Variants in WDR27 observed in about 807,000 individuals in gnomAD.
The protein encoded by WDR27 is WD repeat domain 27.
A neutral mutation model predicts 114.4 loss-of-function variants in WDR27; 100 were observed. The observed-to-expected ratio is 0.87, with a 90% confidence interval of 0.74 to 1.03. The LOEUF is 1.03. WDR27 is among the 50% of genes least tolerant of loss of function. WDR27 has a pLI of 0.00. For missense variants in WDR27, 1,129 were observed against 1,092.9 expected (o/e 1.03, Z -0.47); for synonymous variants, 449 against 423.1 (o/e 1.06, Z -0.75).
intron 25 of WDR27, among the ~76,000 whole-genome samples, chr6:169,565,991 A>G: frequency 6.6e-6 from 1 of 152,218 alleles, no homozygotes; most frequent in East Asian, 1.9e-4. Flanking sequence ...TTTGACTTTT[A>G]TGATCAATGT....
chr6:169,692,188 G>T (rs1478217729), intron 1 of WDR27, among the ~76,000 whole-genome samples: 1 of 152,240 alleles, frequency 6.6e-6, no homozygotes, highest in East Asian at 1.9e-4. Flanking sequence ...AAGCAGCAGT[G>T]AGAAGAGCCT....
At chr6:169,498,577 G>T (rs992652531) in intron 25 of WDR27, among the ~76,000 whole-genome samples, 4 of 152,088 alleles carry the variant, frequency 2.6e-5, no homozygotes, top group African/African-American at 9.7e-5. Flanking sequence ...CCAAAAGGAG[G>T]TTGCATAAAC....
chr6:169,514,596 T>C (rs1262273325), intron 25 of WDR27, among the ~76,000 whole-genome samples: 1 of 148,000 alleles, frequency 6.8e-6, no homozygotes, highest in African/African-American at 2.5e-5. Flanking sequence ...AGGTCAATAA[T>C]AAACATTAAT....
chr6:169,519,488 A>G (rs892332024), intron 25 of WDR27, among the ~76,000 whole-genome samples: 5 of 152,180 alleles, frequency 3.3e-5, no homozygotes, highest in Non-Finnish European at 7.3e-5. Context: ...GAGCTGGCAC[A>G]TTATGTGGCA....
At chr6:169,480,725 C>T (rs1418803503) in intron 25 of WDR27, among the ~76,000 whole-genome samples, 1 of 152,084 alleles carries the variant, frequency 6.6e-6, no homozygotes. Context: ...ACACACCAAT[C>T]AGTGCTCTGT....
chr6:169,664,731 C>G, intron 7 of WDR27: 1 of 998,270 alleles, frequency 1.0e-6, no homozygotes, highest in Non-Finnish European at 1.2e-6. Context: ...AAAACAGCAA[C>G]TTTATCCAGG....
intron 19 of WDR27, 37 bp downstream of exon 19, chr6:169,636,334 T>A (rs1817651010): frequency 1.3e-6 from 2 of 1,598,852 alleles, no homozygotes; most frequent in Non-Finnish European, 1.7e-6. Flanking sequence ...CAGCTTCCTG[T>A]GATCTAAAAA....
chr6:169,578,226 C>T (rs1478509001), intron 24 of WDR27, among the ~76,000 whole-genome samples: 2 of 152,162 alleles, frequency 1.3e-5, no homozygotes, highest in African/African-American at 4.8e-5. Context: ...GGCGCCCACA[C>T]GGTGCGTTAG....
At chr6:169,690,986 C>T (rs576075858) in intron 1 of WDR27, among the ~76,000 whole-genome samples, 236 of 152,258 alleles carry the variant, frequency 1.5e-3, no homozygotes, top group African/African-American at 5.4e-3. Context: ...GAGGCCGAGG[C>T]GGGCGGATCA....
At chr6:169,563,013 G>A (rs987415994) in intron 25 of WDR27, among the ~76,000 whole-genome samples, 3 of 152,174 alleles carry the variant, frequency 2.0e-5, no homozygotes, top group African/African-American at 7.2e-5. Context: ...GTCTAAAGGA[G>A]ACACGCTGGG....
At chr6:169,451,197 T>A in the WDR27 span, among the ~76,000 whole-genome samples, 2 of 152,192 alleles carry the variant, frequency 1.3e-5, no homozygotes. Flanking sequence ...ACTATTCCAG[T>A]AAATTGTGCA....
intron 25 of WDR27, among the ~76,000 whole-genome samples, chr6:169,520,704 G>A (rs116076589): frequency 6.6e-6 from 1 of 151,934 alleles, no homozygotes; most frequent in African/African-American, 2.4e-5. Flanking sequence ...AGCGATTAAA[G>A]AGAAAATCTT....
intron 13 of WDR27, among the ~76,000 whole-genome samples, chr6:169,656,884 G>A (rs1267694750): frequency 1.3e-5 from 2 of 152,228 alleles, no homozygotes; most frequent in Non-Finnish European, 2.9e-5. Context: ...TTAATGAGGA[G>A]GAAGGAGGTC....
chr6:169,531,958 T>C (rs1297570404), intron 25 of WDR27, among the ~76,000 whole-genome samples: 1 of 152,218 alleles, frequency 6.6e-6, no homozygotes, highest in Non-Finnish European at 1.5e-5. Flanking sequence ...TGTTAATTAC[T>C]ACTCTTTACA....
chr6:169,468,588 G>A (rs1785920584), intron 25 of WDR27, among the ~76,000 whole-genome samples: 1 of 152,316 alleles, frequency 6.6e-6, no homozygotes, highest in South Asian at 2.1e-4. Context: ...ATGACACATG[G>A]GGATTGTGGG....
At chr6:169,696,271 G>A (rs1433018170) in intron 1 of WDR27, among the ~76,000 whole-genome samples, 1 of 152,198 alleles carries the variant, frequency 6.6e-6, no homozygotes, top group African/African-American at 2.4e-5. Context: ...AGAGTCCAGG[G>A]TGACCCAAGG....
rs77814153 is a variant in WDR27, at chr6:169,465,562, G to T, written c.2646-7928C>A. Among the ~76,000 whole-genome samples, 10 of 152,188 alleles carry T rather than the reference G, an allele frequency of 6.6e-5. No homozygotes were observed. The East Asian group carries it at 1.9e-3, about 29-fold the overall frequency. ...CTCTGGGTATATATGCAAAAGAACT[G>T]AACGTAGGGTCTCTAGGAGATATTT... On this transcript the variant is annotated intron_variant, in intron 25 of 25. Transcript: ENST00000448612.
At chr6:169,689,585 CTA>C (rs1389246643) in intron 1 of WDR27, among the ~76,000 whole-genome samples, 9 of 152,216 alleles carry the variant, frequency 5.9e-5, no homozygotes, top group Non-Finnish European at 1.2e-4. Flanking sequence ...GATTCACTGG[CTA>C]TGTTTCGTAA....
chr6:169,651,856 T>C, intron 14 of WDR27, 74 bp downstream of exon 14: 1 of 1,311,458 alleles, frequency 7.6e-7, no homozygotes, highest in Non-Finnish European at 1.1e-6. Context: ...TGTATGTGTG[T>C]CCCTATTTGT....
Sources: allele counts gnomAD v4.1 joint callset (sites outside exome capture counted in the v4.1 genomes callset), GRCh38; gene constraint gnomAD v4.1.1; transcripts MANE v1.5; gene names NCBI Gene and HGNC (gene_info 2026-07-23, HGNC 2026-07-21).